GYG1: variants seen among roughly 807,000 people sequenced by gnomAD.
GYG1 encodes glycogenin-1.
In GYG1, 44 loss-of-function variants were observed where a neutral mutation model predicts 41.9. The observed-to-expected ratio is 1.05, with a 90% confidence interval of 0.83 to 1.35. GYG1 has a LOEUF of 1.35. Among genes scored for constraint, GYG1 ranks in the 40% most tolerant of loss-of-function variants. The probability of loss-of-function intolerance (pLI) is 0.00; values close to 1 mark genes in which losing one functional copy is unlikely to be tolerated. For synonymous variants in GYG1, 141 were observed against 158.1 expected (o/e 0.89, Z 0.81); for missense variants, 429 against 418.9 (o/e 1.02, Z -0.21).
At chr3:148,999,062 A>G (rs1712958712) in intron 4 of GYG1, among the ~76,000 whole-genome samples, 1 of 152,238 alleles carries the variant, frequency 6.6e-6, no homozygotes, top group Admixed American at 6.5e-5. Context: ...GAGAGGTAAG[A>G]CTTTGATTAC....
intron 2 of GYG1, 96 bp downstream of exon 2, chr3:148,994,373 G>A: frequency 7.6e-7 from 1 of 1,310,076 alleles, no homozygotes; most frequent in East Asian, 2.3e-5. Flanking sequence ...CTCTTTTCAG[G>A]AATTGAGCAC....
intron 5 of GYG1, among the ~76,000 whole-genome samples, chr3:149,018,123 T>G (rs1559842617): frequency 6.6e-6 from 1 of 152,190 alleles, no homozygotes; most frequent in Non-Finnish European, 1.5e-5. Flanking sequence ...TCGATTTTCA[T>G]AAATGACTAA....
intron 4 of GYG1, chr3:149,000,987 A>G (rs1292326655): frequency 6.6e-6 from 1 of 152,224 alleles, no homozygotes; most frequent in Non-Finnish European, 1.5e-5. Flanking sequence ...TTTAACAGAA[A>G]TGATTTGGTG....
intron 2 of GYG1, among the ~76,000 whole-genome samples, chr3:148,995,095 C>CT (rs1401104288): frequency 6.6e-6 from 1 of 152,154 alleles, no homozygotes; most frequent in Non-Finnish European, 1.5e-5. Flanking sequence ...ATCCCAGCTA[C>CT]TTGGGGTTGG....
intron 4 of GYG1, among the ~76,000 whole-genome samples, chr3:149,007,748 T>C (rs1713479662): frequency 6.6e-6 from 1 of 152,202 alleles, no homozygotes; most frequent in Non-Finnish European, 1.5e-5. Context: ...CTATGCAGTA[T>C]TCCTGCCTGA....
intron 4 of GYG1, among the ~76,000 whole-genome samples, chr3:149,005,142 A>AG (rs1180567882): frequency 1.8e-4 from 28 of 152,272 alleles, no homozygotes; most frequent in Admixed American, 5.9e-4. Flanking sequence ...AAATGTGTAG[A>AG]GTTTTATTAT....
chr3:148,993,602 C>T (rs1203024002), intron 1 of GYG1, among the ~76,000 whole-genome samples: 1 of 152,042 alleles, frequency 6.6e-6, no homozygotes, highest in African/African-American at 2.4e-5. Context: ...ATGATCACAC[C>T]ACTCCACTCC....
At chr3:149,025,349 T>C (rs1232380773) in intron 6 of GYG1, among the ~76,000 whole-genome samples, 1 of 152,154 alleles carries the variant, frequency 6.6e-6, no homozygotes, top group African/African-American at 2.4e-5. Flanking sequence ...TCTATGAGAA[T>C]CTAACCACCT....
chr3:149,000,774 A>T (rs570655348), intron 4 of GYG1, among the ~76,000 whole-genome samples: 20 of 152,178 alleles, frequency 1.3e-4, no homozygotes, highest in Non-Finnish European at 2.6e-4. Flanking sequence ...TAAGCTTTTG[A>T]TTGGTGTACT....
intron 5 of GYG1, among the ~76,000 whole-genome samples, chr3:149,019,258 C>T (rs1455978148): frequency 1.3e-5 from 2 of 152,178 alleles, no homozygotes; most frequent in African/African-American, 4.8e-5. Flanking sequence ...ACTTCTGAGT[C>T]TGTTTCAAGT....
intron 2 of GYG1, among the ~76,000 whole-genome samples, 182 bp from the exon 3 acceptor site, chr3:148,996,120 T>G (rs1324466383): frequency 6.6e-6 from 1 of 152,238 alleles, no homozygotes; most frequent in Non-Finnish European, 1.5e-5. Flanking sequence ...TAACTGGACA[T>G]GCAAATAAAC....
chr3:148,996,217 G>A, intron 2 of GYG1, 85 bp from the exon 3 acceptor site: 1 of 915,020 alleles, frequency 1.1e-6, no homozygotes, highest in South Asian at 1.3e-5. Flanking sequence ...TGATGGAGAA[G>A]GTAATAAAGC....
At chr3:149,008,823 A>G (rs1322443684) in intron 4 of GYG1, 1 of 185,674 alleles carries the variant, frequency 5.4e-6, no homozygotes, top group Non-Finnish European at 1.1e-5. Flanking sequence ...GGAAATGGCC[A>G]CTCCTTAAAA....
At chr3:148,995,423 G>A (rs896100396) in intron 2 of GYG1, among the ~76,000 whole-genome samples, 3 of 152,046 alleles carry the variant, frequency 2.0e-5, no homozygotes, top group Non-Finnish European at 2.9e-5. Context: ...AAAAGTAGAC[G>A]TTCTGTATAC....
At chr3:148,996,529 G>A in intron 3 of GYG1, 53 bp downstream of exon 3, 1 of 1,462,354 alleles carries the variant, frequency 6.8e-7, no homozygotes, top group East Asian at 2.3e-5. Flanking sequence ...TATGGTGATG[G>A]AGACCTGTAG....
At position 149,029,740 on chromosome 3, in the gene GYG1, A is replaced by G. The variant is rs1269924750; in HGVS notation, c.*2807A>G. Reference sequence around the variant, plus strand: ...ACACTGCCGAAGATCATTAGTACTCACTGGTAACAAACTACATAGGGTTAG... The same window carrying G: ...ACACTGCCGAAGATCATTAGTACTCGCTGGTAACAAACTACATAGGGTTAG... On this transcript the variant is annotated 3_prime_UTR_variant, in exon 8 of 8. Coordinates refer to ENST00000345003, the MANE Select transcript of GYG1 (RefSeq NM_004130.4). Among the ~76,000 whole-genome samples, 1 of 152,202 alleles carries G rather than the reference A, an allele frequency of 6.6e-6. No individual in the cohort carries two copies. The highest frequency in any genetic ancestry group is 1.5e-5 in the Non-Finnish European group (1 of 68,034).
chr3:149,012,290 G>A (rs1713776391), intron 5 of GYG1, among the ~76,000 whole-genome samples: 2 of 151,028 alleles, frequency 1.3e-5, no homozygotes, highest in African/African-American at 4.8e-5. Context: ...AACCTTGGTG[G>A]TCTCCAGGAC....
intron 1 of GYG1, among the ~76,000 whole-genome samples, chr3:148,993,125 G>A (rs185588788): frequency 1.3e-5 from 2 of 152,240 alleles, no homozygotes; most frequent in Admixed American, 1.3e-4. Flanking sequence ...CCACCAACTT[G>A]CTAATGTTTC....
Position 149,024,182 on chromosome 3 carries a change from C to T in GYG1, c.738C>T (p.Leu246=), listed in dbSNP as rs139080132. 3.1e-6 allele frequency: 5 copies of T among 1,613,738 alleles called. No homozygotes were observed. In the African/African-American group the frequency reaches 6.7e-5, roughly 22 times the overall value. ...CCAACATGACTCATCCAGAGTTTCT[C>T]ATCCTGTGGTGGAACATCTTTACCA... is the stretch of plus-strand genomic sequence containing the variant. ...HDPNMTHPEF[L]ILWWNIFTTN... The change falls in exon 6 of 8, where the codon CTC becomes CTT. Residue 246 remains leucine, a synonymous_variant. Coordinates refer to ENST00000345003, the MANE Select transcript of GYG1 (RefSeq NM_004130.4).
Sources: gnomAD v4.1 joint callset for allele counts (sites outside exome capture counted in the v4.1 genomes callset) on GRCh38, gnomAD v4.1.1 for gene constraint, MANE v1.5 for transcripts, NCBI Gene and HGNC (gene_info 2026-07-23, HGNC 2026-07-21) for gene names.